The following ARHGAP12 variants were observed in gnomAD, a reference collection of about 807,000 sequenced individuals.
ARHGAP12 encodes Rho GTPase activating protein 12.
Under a neutral mutation model 108.6 loss-of-function variants are expected in ARHGAP12, and 64 were observed. The ratio of observed to expected loss-of-function variants is 0.59; its 90% CI spans 0.48 to 0.73. The LOEUF is 0.73. ARHGAP12 is among the 30% of genes least tolerant of loss of function. The pLI is 0.00. For missense variants in ARHGAP12, 940 were observed against 1,005.9 expected (o/e 0.93, Z 0.89); for synonymous variants, 312 against 337.2 (o/e 0.93, Z 0.82).
chr10:31,813,217 C>T (rs1227284005), intron 14 of ARHGAP12, among the ~76,000 whole-genome samples: 2 of 152,022 alleles, frequency 1.3e-5, no homozygotes, highest in Admixed American at 6.5e-5. Context: ...AAATACACAA[C>T]AAAACAATCC....
At chr10:31,839,028 G>A (rs1008532352) in intron 9 of ARHGAP12, among the ~76,000 whole-genome samples, 2 of 151,596 alleles carry the variant, frequency 1.3e-5, no homozygotes, top group Non-Finnish European at 2.9e-5. Flanking sequence ...TTTAAAAAAC[G>A]GTAACGAAAA....
chr10:31,843,128 G>A (rs1836330484), intron 7 of ARHGAP12, among the ~76,000 whole-genome samples: 1 of 152,046 alleles, frequency 6.6e-6, no homozygotes, highest in Non-Finnish European at 1.5e-5. Flanking sequence ...GTCACCTACT[G>A]GGATCAAATG....
intron 1 of ARHGAP12, among the ~76,000 whole-genome samples, chr10:31,915,362 G>C (rs1235918830): frequency 6.6e-6 from 1 of 150,918 alleles, no homozygotes; most frequent in Non-Finnish European, 1.5e-5. Context: ...CTCCAGCCTG[G>C]GCAACAACAG....
At chr10:31,824,344 G>A (rs926501164) in intron 11 of ARHGAP12, among the ~76,000 whole-genome samples, 15 of 152,062 alleles carry the variant, frequency 9.9e-5, no homozygotes, top group African/African-American at 3.6e-4. Context: ...TATATCAATA[G>A]TAATAAGATG....
chr10:31,887,318 C>G (rs555893655), intron 3 of ARHGAP12, among the ~76,000 whole-genome samples: 1 of 152,254 alleles, frequency 6.6e-6, no homozygotes, highest in African/African-American at 2.4e-5. Context: ...CTGCTTTACT[C>G]AAAGCCCACT....
chr10:31,860,314 T>C (rs1287277489), intron 4 of ARHGAP12, among the ~76,000 whole-genome samples: 1 of 152,206 alleles, frequency 6.6e-6, no homozygotes, highest in Non-Finnish European at 1.5e-5. Context: ...AGCTAGCTGC[T>C]TTCTATAACA....
intron 6 of ARHGAP12, among the ~76,000 whole-genome samples, chr10:31,845,970 C>CTGT (rs1836447813): frequency 6.6e-6 from 1 of 152,064 alleles, no homozygotes; most frequent in Non-Finnish European, 1.5e-5. Flanking sequence ...TTCTCCTTTC[C>CTGT]TACCGTCCTG....
At chr10:31,810,082 TAC>T (rs1834959234) in intron 16 of ARHGAP12, among the ~76,000 whole-genome samples, 1 of 152,192 alleles carries the variant, frequency 6.6e-6, no homozygotes. Context: ...TTTCATGATA[TAC>T]AGAGATAAGT....
intron 1 of ARHGAP12, among the ~76,000 whole-genome samples, chr10:31,911,010 TTTTA>T (rs1839320948): frequency 6.6e-6 from 1 of 152,094 alleles, no homozygotes; most frequent in Non-Finnish European, 1.5e-5. Context: ...TTCCTAATTA[TTTTA>T]TTTATTTTTT....
chr10:31,885,120 A>C (rs1010251956), intron 3 of ARHGAP12, among the ~76,000 whole-genome samples: 3 of 152,142 alleles, frequency 2.0e-5, no homozygotes, highest in Non-Finnish European at 4.4e-5. Flanking sequence ...ACTTCTGTTC[A>C]TTTTTGAGAA....
intron 3 of ARHGAP12, among the ~76,000 whole-genome samples, chr10:31,869,760 A>T (rs1837471425): frequency 6.6e-6 from 1 of 152,174 alleles, no homozygotes; most frequent in South Asian, 2.1e-4. Flanking sequence ...AAAATTGGGG[A>T]ACCATATATA....
chr10:31,813,052 A>T (rs1256072402), intron 14 of ARHGAP12, among the ~76,000 whole-genome samples: 1 of 152,156 alleles, frequency 6.6e-6, no homozygotes, highest in Non-Finnish European at 1.5e-5. Flanking sequence ...ATCACTAAAA[A>T]CAGATGACAA....
At chr10:31,840,269 T>C (rs1420548119) in intron 7 of ARHGAP12, among the ~76,000 whole-genome samples, 1 of 151,628 alleles carries the variant, frequency 6.6e-6, no homozygotes, top group African/African-American at 2.4e-5. Flanking sequence ...GAAAGAAACC[T>C]ACGATTTAAA....
At chr10:31,917,269 G>A (rs1009829558) in intron 1 of ARHGAP12, among the ~76,000 whole-genome samples, 8 of 151,954 alleles carry the variant, frequency 5.3e-5, no homozygotes, top group African/African-American at 1.7e-4. Flanking sequence ...TTAGCCAGGC[G>A]TGGTAGCACG....
intron 2 of ARHGAP12, among the ~76,000 whole-genome samples, chr10:31,909,380 G>A (rs944322135): frequency 3.3e-5 from 5 of 152,116 alleles, no homozygotes; most frequent in South Asian, 2.1e-4. Flanking sequence ...ACGGCATTAC[G>A]GGTTTAAATG....
chr10:31,837,010 C>A (rs1394898661), intron 9 of ARHGAP12, among the ~76,000 whole-genome samples: 1 of 152,110 alleles, frequency 6.6e-6, no homozygotes, highest in Non-Finnish European at 1.5e-5. Context: ...TCAGAGGGTA[C>A]TGTGAGTCCG....
intron 1 of ARHGAP12, among the ~76,000 whole-genome samples, chr10:31,925,157 G>C (rs1839978334): frequency 6.6e-6 from 1 of 152,102 alleles, no homozygotes; most frequent in African/African-American, 2.4e-5. Flanking sequence ...ATAGTGCATG[G>C]AGCATGGCAA....
intron 3 of ARHGAP12, among the ~76,000 whole-genome samples, chr10:31,906,398 A>G: frequency 6.6e-6 from 1 of 152,332 alleles, no homozygotes. Flanking sequence ...AAGAAACTAA[A>G]ACACACAGAG....
intron 10 of ARHGAP12, chr10:31,826,744 C>T (rs537991489): frequency 7.0e-5 from 12 of 171,498 alleles, no homozygotes; most frequent in Non-Finnish European, 1.2e-4. Flanking sequence ...AGAATTCTTA[C>T]TTAGAAGTAA....
Sources: allele counts gnomAD v4.1 joint callset (sites outside exome capture counted in the v4.1 genomes callset), GRCh38; gene constraint gnomAD v4.1.1; transcripts MANE v1.5; gene names NCBI Gene and HGNC (gene_info 2026-07-23, HGNC 2026-07-21).